The following GSDMC variants were observed in gnomAD, a reference collection of about 807,000 sequenced individuals.
GSDMC encodes gasdermin-C.
GSDMC carries 59 observed loss-of-function variants against 58.0 expected under a neutral mutation model. That is an observed-to-expected ratio of 1.02 (90% CI 0.82 to 1.26). GSDMC has a LOEUF of 1.26. Ranked by LOEUF, GSDMC falls within the 50% of genes most tolerant of loss-of-function variation. The pLI is 0.00. For missense variants in GSDMC, 659 were observed against 598.5 expected (o/e 1.10, Z -1.06); for synonymous variants, 241 against 220.2 (o/e 1.09, Z -0.83).
chr8:129,766,789 C>T (rs1014401729), intron 3 of GSDMC, among the ~76,000 whole-genome samples: 1 of 152,086 alleles, frequency 6.6e-6, no homozygotes, highest in African/African-American at 2.4e-5. Flanking sequence ...ATGAGCTCTT[C>T]AACGGGAAAA....
At chr8:129,722,095 C>G in the GSDMC span, among the ~76,000 whole-genome samples, 1 of 152,158 alleles carries the variant, frequency 6.6e-6, no homozygotes, top group Admixed American at 6.5e-5. Context: ...TTTCTTAATT[C>G]CAATTTCATT....
the GSDMC span, among the ~76,000 whole-genome samples, chr8:129,727,408 C>T: frequency 3.3e-5 from 5 of 152,084 alleles, 1 homozygote; most frequent in South Asian, 2.1e-4. Context: ...GGGAGGAGAA[C>T]GCCGGCAAAC....
At chr8:129,753,833 T>C (rs2033323658) in intron 6 of GSDMC, among the ~76,000 whole-genome samples, 1 of 152,136 alleles carries the variant, frequency 6.6e-6, no homozygotes, top group Non-Finnish European at 1.5e-5. Flanking sequence ...GCCCTTGGGC[T>C]GTCAGCAAAC....
At chr8:129,771,923 T>C (rs749349862) in intron 3 of GSDMC, among the ~76,000 whole-genome samples, 3 of 151,886 alleles carry the variant, frequency 2.0e-5, no homozygotes, top group Non-Finnish European at 2.9e-5. Flanking sequence ...ATTAAGAAAA[T>C]AGAAAGAATT....
chr8:129,752,109 G>T lies in GSDMC; in HGVS notation c.883C>A (p.Pro295Thr). Residue 295 changes from proline to threonine, a missense_variant, in exon 8 of 14, where the codon CCA becomes ACA. Physicochemically the swap from Pro to Thr is conservative, Grantham distance 38. Coordinates refer to ENST00000276708, the MANE Select transcript of GSDMC (RefSeq NM_031415.3). ...GGGAGGGCCAGATTCCACTCACTTG[G>T]CAAATGCCCGCTCAAAAATTGCTGT... ...LTQQFLSGHLPKYEQVHILPV... is the reference protein window; with the variant it reads ...LTQQFLSGHLTKYEQVHILPV... 6.2e-7 allele frequency: 1 copy of T among 1,612,624 alleles called. No individual in the cohort carries two copies. Among genetic ancestry groups the T allele is most frequent in the Non-Finnish European group, 8.5e-7 (1 of 1,178,688 alleles).
chr8:129,719,055 G>C, the GSDMC span, among the ~76,000 whole-genome samples: 1 of 152,132 alleles, frequency 6.6e-6, no homozygotes, highest in Non-Finnish European at 1.5e-5. Context: ...CTAGGGGAGG[G>C]ACAGCATTAG....
chr8:129,780,039 T>C (rs1041906054), intron 1 of GSDMC, among the ~76,000 whole-genome samples: 6 of 151,904 alleles, frequency 3.9e-5, no homozygotes, highest in African/African-American at 1.5e-4. Flanking sequence ...GAAGGAAGAA[T>C]CAGTGATCTT....
chr8:129,733,238 T>A, the GSDMC span, among the ~76,000 whole-genome samples: 1 of 152,314 alleles, frequency 6.6e-6, no homozygotes, highest in South Asian at 2.1e-4. Context: ...GGGCAGGGCA[T>A]AGCTGAACAA....
At chr8:129,733,824 T>C in the GSDMC span, among the ~76,000 whole-genome samples, 1 of 152,188 alleles carries the variant, frequency 6.6e-6, no homozygotes, top group African/African-American at 2.4e-5. Flanking sequence ...GGAGAATGAC[T>C]TTGATGACCT....
chr8:129,749,602 C>T (rs1248270161), intron 12 of GSDMC, 77 bp from the exon 13 acceptor site: 1 of 1,055,382 alleles, frequency 9.5e-7, no homozygotes, highest in Non-Finnish European at 1.5e-6. Context: ...GCAGGAGACC[C>T]CCTGAGAGAA....
chr8:129,724,122 G>A, the GSDMC span, among the ~76,000 whole-genome samples: 1 of 152,152 alleles, frequency 6.6e-6, no homozygotes, highest in Non-Finnish European at 1.5e-5. Flanking sequence ...AGCCATCTAT[G>A]GAGAGACCAC....
At chr8:129,774,809 C>T (rs185852138) in intron 3 of GSDMC, among the ~76,000 whole-genome samples, 16 of 152,182 alleles carry the variant, frequency 1.1e-4, no homozygotes, top group Admixed American at 3.3e-4. Flanking sequence ...TAGAAATAAG[C>T]TAACAGGCAC....
chr8:129,765,686 T>C lies in GSDMC; in HGVS notation c.512A>G (p.Tyr171Cys), dbSNP rs1367326536. 1 of 1,612,554 alleles carries C rather than the reference T, an allele frequency of 6.2e-7. No individual in the cohort carries two copies. Among genetic ancestry groups the C allele is most frequent in the Non-Finnish European group, 8.5e-7 (1 of 1,178,532 alleles). Reference protein sequence around the residue: ...AVELINNTVLYDSSSVNILGK... With the variant: ...AVELINNTVLCDSSSVNILGK... ...TAAAATATTCACACTACTGCTATCG[T>C]ACAGCACAGTATTGTTGATCAGTTC... The change falls in exon 4 of 14, where the codon TAC (tyrosine) becomes TGC (cysteine). Residue 171 changes from tyrosine (Y) to cysteine (C), a missense_variant. Physicochemically the swap from Tyr to Cys is radical, Grantham distance 194. Transcript: ENST00000276708.
intron 4 of GSDMC, among the ~76,000 whole-genome samples, chr8:129,764,460 TC>T (rs2033786685): frequency 6.6e-6 from 1 of 152,164 alleles, no homozygotes. Flanking sequence ...GGGCTCAATG[TC>T]CCCACTCTCA....
At chr8:129,733,922 C>G in the GSDMC span, among the ~76,000 whole-genome samples, 80 of 152,048 alleles carry the variant, frequency 5.3e-4, no homozygotes, top group Non-Finnish European at 1.1e-3. Flanking sequence ...AAGCTAAAAA[C>G]CTTGAAAAAA....
the GSDMC span, among the ~76,000 whole-genome samples, chr8:129,742,583 C>T: frequency 1.3e-5 from 2 of 152,142 alleles, no homozygotes; most frequent in Admixed American, 1.3e-4. Flanking sequence ...GCTGCCTTGG[C>T]TTCCCCAGAC....
the GSDMC span, among the ~76,000 whole-genome samples, chr8:129,732,709 G>A: frequency 6.6e-6 from 1 of 152,226 alleles, no homozygotes; most frequent in Non-Finnish European, 1.5e-5. Context: ...TGGCCGAATA[G>A]GAACAGCACC....
At chr8:129,722,702 A>ATTAT in the GSDMC span, among the ~76,000 whole-genome samples, 1 of 152,240 alleles carries the variant, frequency 6.6e-6, no homozygotes, top group Non-Finnish European at 1.5e-5. Flanking sequence ...TATTGAATAA[A>ATTAT]TGAATGAATG....
chr8:129,754,481 C>T (rs1429975598), intron 6 of GSDMC, among the ~76,000 whole-genome samples: 1 of 151,992 alleles, frequency 6.6e-6, no homozygotes, highest in Non-Finnish European at 1.5e-5. Flanking sequence ...CCTGGAAAGC[C>T]TTCTCAAGGA....
Sources: allele counts gnomAD v4.1 joint callset (sites outside exome capture counted in the v4.1 genomes callset), GRCh38; gene constraint gnomAD v4.1.1; transcripts MANE v1.5; gene names NCBI Gene and HGNC (gene_info 2026-07-23, HGNC 2026-07-21).